GRIN2A: variants seen among roughly 807,000 people sequenced by gnomAD.
GRIN2A encodes glutamate ionotropic receptor NMDA type subunit 2A.
A neutral mutation model predicts 113.4 loss-of-function variants in GRIN2A; 22 were observed. The ratio of observed to expected loss-of-function variants is 0.19; its 90% confidence interval spans 0.14 to 0.28. The LOEUF (loss-of-function observed/expected upper bound fraction) is 0.28, where lower values mean the gene tolerates loss of function less well. Among genes scored for constraint, GRIN2A ranks in the 10% least tolerant of loss-of-function variants. GRIN2A has a pLI of 1.00. For synonymous variants in GRIN2A, 827 were observed against 738.4 expected (o/e 1.12, Z -1.94); for missense variants, 1,502 against 1,887.0 (o/e 0.80, Z 3.78).
chr16:10,020,878 C>G (rs935094391), intron 2 of GRIN2A, among the ~76,000 whole-genome samples: 1 of 152,120 alleles, frequency 6.6e-6, no homozygotes, highest in Non-Finnish European at 1.5e-5. Context: ...CATAAAGAGC[C>G]ACAGGACAGT....
chr16:10,036,190 G>C (rs1003923773), intron 2 of GRIN2A, among the ~76,000 whole-genome samples: 1 of 152,120 alleles, frequency 6.6e-6, no homozygotes, highest in Non-Finnish European at 1.5e-5. Flanking sequence ...TTGTGTGATT[G>C]GTATTAGCAT....
intron 10 of GRIN2A, among the ~76,000 whole-genome samples, chr16:9,819,865 G>C (rs544868038): frequency 6.9e-6 from 1 of 145,218 alleles, no homozygotes; most frequent in Non-Finnish European, 1.5e-5. Flanking sequence ...AGGTTGCAGC[G>C]GGGAGAGACT....
At chr16:9,778,438 A>G (rs1438430765) in intron 11 of GRIN2A, among the ~76,000 whole-genome samples, 2 of 152,242 alleles carry the variant, frequency 1.3e-5, no homozygotes, top group African/African-American at 2.4e-5. Flanking sequence ...TTCTCAATCA[A>G]TAGTCCTCAA....
chr16:9,852,291 T>C (rs2042897677), intron 4 of GRIN2A, among the ~76,000 whole-genome samples: 1 of 152,192 alleles, frequency 6.6e-6, no homozygotes, highest in South Asian at 2.1e-4. Context: ...TGAATTGAGC[T>C]ACAGTAACCA....
At chr16:9,784,947 G>A (rs1420525463) in intron 11 of GRIN2A, among the ~76,000 whole-genome samples, 3 of 152,208 alleles carry the variant, frequency 2.0e-5, no homozygotes, top group Middle Eastern at 3.2e-3. Flanking sequence ...AACAACAGGT[G>A]CTGCAGAGGA....
At chr16:10,029,206 T>C (rs1372846366) in intron 2 of GRIN2A, among the ~76,000 whole-genome samples, 1 of 152,096 alleles carries the variant, frequency 6.6e-6, no homozygotes, top group African/African-American at 2.4e-5. Context: ...TTTTTTTTTT[T>C]CTTTTCAGAC....
intron 5 of GRIN2A, among the ~76,000 whole-genome samples, chr16:9,848,511 C>T (rs1029810240): frequency 6.0e-5 from 9 of 150,806 alleles, no homozygotes; most frequent in Admixed American, 4.6e-4. Context: ...TCACTGTGTC[C>T]AACCATATGT....
intron 4 of GRIN2A, among the ~76,000 whole-genome samples, chr16:9,873,561 CAACA>C (rs3831731): frequency 0.15 from 21,878 of 142,098 alleles, 1,652 homozygotes; most frequent in South Asian, 0.24. Context: ...ACAACAACAA[CAACA>C]AACAAACAAA....
chr16:10,139,417 T>C (rs1055417878), intron 2 of GRIN2A, among the ~76,000 whole-genome samples: 13 of 152,162 alleles, frequency 8.5e-5, no homozygotes, highest in African/African-American at 3.1e-4. Flanking sequence ...AAACAGAAAA[T>C]AGATCAAATT....
intron 2 of GRIN2A, among the ~76,000 whole-genome samples, chr16:10,136,338 A>G (rs2049190325): frequency 6.6e-6 from 1 of 152,204 alleles, no homozygotes; most frequent in African/African-American, 2.4e-5. Flanking sequence ...ATCTCCAGCT[A>G]AAAACAAGCT....
In GRIN2A at chr16:9,834,169, T is replaced by C. The variant is rs773325355; in HGVS notation, c.1713A>G (p.Ile571Met). ...TGAAGTATTCAAAGACAAAAACAGC[T>C]ATGGCAGAAACAATGAGCAGCATCA... ...MFVMLLIVSA[I>M]AVFVFEYFSP... Residue 571 changes from isoleucine to methionine, a missense_variant, in exon 8 of 13, where the codon ATA (isoleucine) becomes ATG (methionine). Ile to Met is a conservative substitution (Grantham distance 10, BLOSUM62 1). Transcript: ENST00000330684. 3 of 1,613,610 alleles carry C rather than the reference T, an allele frequency of 1.9e-6. No homozygotes were observed. The East Asian group carries it at 6.7e-5, about 36-fold the overall frequency.
rs35715098 is a variant in GRIN2A at position 9,860,445 on chromosome 16, CAAAAAAA to C, written c.1123-10491_1123-10485del. Among the ~76,000 whole-genome samples the C allele has an allele frequency of 3.8e-4, 22 of 57,954 alleles. No individual in the cohort carries two copies. The South Asian group carries it at 0.015, about 40-fold the overall frequency. The allele number at this position is 57,954 out of a possible 152,430, so 38.0% of individuals were successfully genotyped here. A position where few individuals can be genotyped will look rare whatever the true frequency, so the allele number is the denominator to read the frequency against. On this transcript the variant is annotated intron_variant, in intron 4 of 12. Coordinates refer to ENST00000330684, the MANE Select transcript of GRIN2A (RefSeq NM_001134407.3). ...CCTGGGTGACAGAGCAAGAGTCTCT[CAAAAAAA>C]AAAAAAAAAAAAAAAAAAGAAAGAC...
intron 11 of GRIN2A, among the ~76,000 whole-genome samples, chr16:9,779,556 G>GAAAAAGGGGA (rs1901819265): frequency 6.6e-6 from 1 of 152,042 alleles, no homozygotes; most frequent in African/African-American, 2.4e-5. Context: ...GGAGGAGGAA[G>GAAAAAGGGGA]AAAAAGGGGA....
rs866032557 is a variant in GRIN2A at position 10,111,550 on chromosome 16, C to T, written c.414+68448G>A. The T allele has an allele frequency of 4.4e-5, 35 of 794,768 alleles. No homozygotes were observed. In the Middle Eastern group the frequency reaches 1.8e-3, roughly 40 times the overall value. The allele number at this position is 794,768 out of a possible 1,614,324, so 49.2% of individuals were successfully genotyped here. A position where few individuals can be genotyped will look rare whatever the true frequency, so the allele number is the denominator to read the frequency against. ...GGTAGACCTAACTTCAGCCCTGACC[C>T]GGAAGATCATGCTGAAGACACCACT... On this transcript the variant is annotated intron_variant, in intron 2 of 12. Coordinates refer to ENST00000330684, the MANE Select transcript of GRIN2A (RefSeq NM_001134407.3).
intron 2 of GRIN2A, among the ~76,000 whole-genome samples, chr16:10,086,343 G>A (rs1031397661): frequency 6.6e-6 from 1 of 152,094 alleles, no homozygotes; most frequent in Admixed American, 6.5e-5. Flanking sequence ...GAGTATGGAG[G>A]AGCAATGATG....
chr16:10,174,089 T>C (rs2050097967), intron 2 of GRIN2A, among the ~76,000 whole-genome samples: 1 of 152,012 alleles, frequency 6.6e-6, no homozygotes, highest in Non-Finnish European at 1.5e-5. Flanking sequence ...ACATAATCCA[T>C]GGAGGATAGG....
chr16:9,865,486 A>C (rs1374835875), intron 4 of GRIN2A, among the ~76,000 whole-genome samples: 1 of 152,192 alleles, frequency 6.6e-6, no homozygotes, highest in Non-Finnish European at 1.5e-5. Flanking sequence ...GTGCATTTGG[A>C]GTTGGAAGAC....
At chr16:9,955,802 G>T (rs1307750466) in intron 2 of GRIN2A, among the ~76,000 whole-genome samples, 2 of 152,188 alleles carry the variant, frequency 1.3e-5, no homozygotes, top group Non-Finnish European at 2.9e-5. Flanking sequence ...GCATCAAGGC[G>T]AATGAGCTCC....
intron 4 of GRIN2A, among the ~76,000 whole-genome samples, chr16:9,856,381 G>A (rs761165279): frequency 6.6e-6 from 1 of 152,094 alleles, no homozygotes; most frequent in Admixed American, 6.6e-5. Flanking sequence ...AGCACTTTGG[G>A]AGGCTGAGGC....
Sources: gnomAD v4.1 joint callset for allele counts (sites outside exome capture counted in the v4.1 genomes callset) on GRCh38, gnomAD v4.1.1 for gene constraint, MANE v1.5 for transcripts, NCBI Gene and HGNC (gene_info 2026-07-23, HGNC 2026-07-21) for gene names.